Variants in TTC7A observed in about 807,000 individuals in gnomAD.
TTC7A encodes tetratricopeptide repeat domain 7A, also known as tetratricopeptide repeat protein 7A.
Under a neutral mutation model 103.7 loss-of-function variants are expected in TTC7A, and 110 were observed. That is an observed-to-expected ratio of 1.06 (90% confidence interval 0.91 to 1.24). TTC7A has a LOEUF of 1.24. Ranked by LOEUF, TTC7A falls within the 50% of genes most tolerant of loss-of-function variation. The probability of loss-of-function intolerance (pLI) is 0.00; values close to 1 mark genes in which losing one functional copy is unlikely to be tolerated. For missense variants in TTC7A, 1,340 were observed against 1,116.3 expected, an observed-to-expected ratio of 1.20 and a Z score of -2.86; for synonymous variants, 521 against 467.9, an observed-to-expected ratio of 1.11 and a Z score of -1.47.
chr2:47,065,103 C>T (rs931537236), intron 19 of TTC7A, among the ~76,000 whole-genome samples: 24 of 152,110 alleles, frequency 1.6e-4, no homozygotes, highest in Non-Finnish European at 3.1e-4. Context: ...CTGGCTAACA[C>T]GGTGAAACCC....
At chr2:46,973,829 C>T (rs1673594354) in intron 3 of TTC7A, among the ~76,000 whole-genome samples, 1 of 152,216 alleles carries the variant, frequency 6.6e-6, no homozygotes, top group Non-Finnish European at 1.5e-5. Context: ...AGGTTGCCGG[C>T]TTCTTCAGAG....
upstream of TTC7A, among the ~76,000 whole-genome samples, chr2:46,939,905 A>AGCTTCC (rs1234268285): frequency 2.6e-5 from 4 of 152,174 alleles, no homozygotes; most frequent in Admixed American, 1.3e-4. Context: ...GAGCAGCTTC[A>AGCTTCC]GCTTCCCTTC....
At chr2:47,020,430 C>T (rs963137952) in intron 11 of TTC7A, among the ~76,000 whole-genome samples, 2 of 152,188 alleles carry the variant, frequency 1.3e-5, no homozygotes, top group Non-Finnish European at 2.9e-5. Flanking sequence ...GGGGTTTCCC[C>T]GACTATGGCC....
chr2:47,051,935 C>G, intron 18 of TTC7A, 55 bp downstream of exon 18: 3 of 1,551,746 alleles, frequency 1.9e-6, no homozygotes, highest in East Asian at 2.3e-5. Context: ...CACCCATGCT[C>G]TCAGAGCCCT....
chr2:46,962,258 T>A (rs1672446958), intron 3 of TTC7A, among the ~76,000 whole-genome samples: 1 of 152,188 alleles, frequency 6.6e-6, no homozygotes, highest in Non-Finnish European at 1.5e-5. Flanking sequence ...TACATTCTCC[T>A]CCGACACAGT....
At chr2:47,022,169 C>T (rs1679367150) in intron 12 of TTC7A, among the ~76,000 whole-genome samples, 190 bp downstream of exon 12, 1 of 152,214 alleles carries the variant, frequency 6.6e-6, no homozygotes, top group Admixed American at 6.5e-5. Flanking sequence ...CCCTCAGACC[C>T]ATTTCCACTG....
intron 3 of TTC7A, among the ~76,000 whole-genome samples, chr2:46,971,243 G>T (rs1673329901): frequency 6.6e-6 from 1 of 152,210 alleles, no homozygotes; most frequent in African/African-American, 2.4e-5. Context: ...ATAGACTGGG[G>T]CTTAAAGGAG....
At chr2:46,999,395 C>T in intron 8 of TTC7A, 1 of 620,148 alleles carries the variant, frequency 1.6e-6, no homozygotes, top group African/African-American at 2.0e-5. Context: ...CCCATTCATC[C>T]ATCCAGCCAC....
intron 2 of TTC7A, chr2:46,951,840 T>C (rs1383390641): frequency 2.8e-6 from 1 of 351,944 alleles, no homozygotes; most frequent in Non-Finnish European, 5.6e-6. Flanking sequence ...GACCCTGCCC[T>C]CAAGGAGGTT....
chr2:46,956,814 T>C lies in TTC7A; in HGVS notation c.349-25T>C, dbSNP rs562203992. 37 of 1,612,842 alleles carry C rather than the reference T, an allele frequency of 2.3e-5. No individual in the cohort carries two copies. In the African/African-American group the frequency reaches 4.3e-4, roughly 19 times the overall value. ...CCCAAGGTAACTTTGGGGCAGGCGCTGGTAACATGTCCTTGTCATTTCAGC... is the reference window on the plus strand; with the variant it reads ...CCCAAGGTAACTTTGGGGCAGGCGCCGGTAACATGTCCTTGTCATTTCAGC... On this transcript the variant is annotated intron_variant, in intron 2 of 19. Coordinates refer to ENST00000319190, the MANE Select transcript of TTC7A (RefSeq NM_020458.4).
chr2:47,065,927 C>T (rs1558646614), intron 19 of TTC7A: 1 of 152,214 alleles, frequency 6.6e-6, no homozygotes, highest in Non-Finnish European at 1.5e-5. Context: ...GGAGGAGTTT[C>T]CTGGTCCCTC....
At chr2:47,053,474 A>G (rs1368613493) in intron 18 of TTC7A, among the ~76,000 whole-genome samples, 1 of 151,876 alleles carries the variant, frequency 6.6e-6, no homozygotes, top group Non-Finnish European at 1.5e-5. Flanking sequence ...CAGAGCTCCC[A>G]GGCCTTTGTT....
chr2:47,050,152 A>C, intron 17 of TTC7A, 106 bp downstream of exon 17: 1 of 973,348 alleles, frequency 1.0e-6, no homozygotes, highest in East Asian at 2.5e-5. Context: ...CAGCCGGGCC[A>C]AGCCCACCAC....
In TTC7A at chr2:47,060,757, C is replaced by G. The variant is rs750558169; in HGVS notation, c.2153-12C>G. ...ACCACTCACACCTCCCACTGCCCTTCTGCTTTTGCAGCTGAGCTGTTCATG... is the reference window on the plus strand; with the variant it reads ...ACCACTCACACCTCCCACTGCCCTTGTGCTTTTGCAGCTGAGCTGTTCATG... On this transcript the variant is annotated splice_polypyrimidine_tract_variant and intron_variant, in intron 18 of 19. Coordinates refer to ENST00000319190, the MANE Select transcript of TTC7A (RefSeq NM_020458.4). 1.7e-5 allele frequency: 27 copies of G among 1,586,710 alleles called. No individual in the cohort carries two copies. In the Admixed American group the frequency reaches 2.2e-4, roughly 13 times the overall value.
chr2:47,061,333 C>G (rs546442095), intron 19 of TTC7A, among the ~76,000 whole-genome samples: 7 of 152,192 alleles, frequency 4.6e-5, no homozygotes, highest in Non-Finnish European at 7.3e-5. Flanking sequence ...AAGGCTAATC[C>G]AGACTCTAGG....
chr2:47,036,932 C>T (rs553250635), intron 15 of TTC7A, among the ~76,000 whole-genome samples: 1 of 152,296 alleles, frequency 6.6e-6, no homozygotes, highest in East Asian at 1.9e-4. Context: ...CTCAGCATAT[C>T]CCCCGCATCC....
chr2:46,958,645 T>C, intron 3 of TTC7A: 24 of 882,296 alleles, frequency 2.7e-5, no homozygotes, highest in Non-Finnish European at 3.8e-5. Flanking sequence ...CCCCTTTGCC[T>C]GCCTCCTCTC....
At chr2:47,073,322 G>GCT (rs1684933265) in intron 19 of TTC7A, among the ~76,000 whole-genome samples, 1 of 152,046 alleles carries the variant, frequency 6.6e-6, no homozygotes, top group African/African-American at 2.4e-5. Flanking sequence ...ACCTCACCGC[G>GCT]CTCTCGAGAG....
chr2:46,982,514 A>C (rs985659642), intron 5 of TTC7A, among the ~76,000 whole-genome samples: 8 of 152,230 alleles, frequency 5.3e-5, no homozygotes, highest in Admixed American at 4.6e-4. Flanking sequence ...CCCAGCTCTT[A>C]TGACAAGCCT....
Sources: gnomAD v4.1 joint callset for allele counts (sites outside exome capture counted in the v4.1 genomes callset) on GRCh38, gnomAD v4.1.1 for gene constraint, MANE v1.5 for transcripts, NCBI Gene and HGNC (gene_info 2026-07-23, HGNC 2026-07-21) for gene names.